The following TRABD2B variants were observed in gnomAD, a reference collection of about 807,000 sequenced individuals.
TRABD2B encodes the protein TraB domain containing 2B, also known as metalloprotease TIKI2.
TRABD2B carries 14 observed loss-of-function variants against 40.1 expected under a neutral mutation model. The observed-to-expected ratio is 0.35, with a 90% CI of 0.23 to 0.55. The LOEUF (loss-of-function observed/expected upper bound fraction) is 0.55, where lower values mean the gene tolerates loss of function less well. Among genes scored for constraint, TRABD2B ranks in the 20% least tolerant of loss-of-function variants. The probability of loss-of-function intolerance (pLI) is 0.90; values close to 1 mark genes in which losing one functional copy is unlikely to be tolerated. For synonymous variants in TRABD2B, 263 were observed against 277.0 expected (o/e 0.95, Z 0.50); for missense variants, 541 against 648.6 (o/e 0.83, Z 1.80).
At chr1:47,834,892 C>G (rs898117196) in intron 2 of TRABD2B, among the ~76,000 whole-genome samples, 1 of 152,038 alleles carries the variant, frequency 6.6e-6, no homozygotes, top group African/African-American at 2.4e-5. Context: ...AAACAAGAAA[C>G]TATGAGCCAT....
intron 2 of TRABD2B, among the ~76,000 whole-genome samples, chr1:47,991,793 G>A (rs1570430173): frequency 6.6e-6 from 1 of 152,252 alleles, no homozygotes; most frequent in East Asian, 1.9e-4. Context: ...AAAATCTGAT[G>A]CACTTAACAG....
At chr1:47,952,544 T>C (rs1176408209) in intron 2 of TRABD2B, among the ~76,000 whole-genome samples, 1 of 152,174 alleles carries the variant, frequency 6.6e-6, no homozygotes, top group Non-Finnish European at 1.5e-5. Context: ...TTTCTGCTCT[T>C]TGTATGGCAG....
chr1:47,931,407 C>T (rs554479872), intron 2 of TRABD2B, among the ~76,000 whole-genome samples: 1 of 152,100 alleles, frequency 6.6e-6, no homozygotes, highest in Admixed American at 6.5e-5. Flanking sequence ...CTGAGAAGAC[C>T]TTTGGCAGGG....
intron 2 of TRABD2B, 80 bp downstream of exon 2, chr1:47,993,954 C>G (rs1467021900): frequency 8.6e-6 from 12 of 1,397,866 alleles, no homozygotes; most frequent in Non-Finnish European, 1.1e-5. Flanking sequence ...CCCCCTCCCC[C>G]TCGGAGAAGA....
intron 2 of TRABD2B, among the ~76,000 whole-genome samples, chr1:47,971,744 C>A (rs1379112004): frequency 2.6e-5 from 4 of 152,206 alleles, no homozygotes; most frequent in Admixed American, 2.6e-4. Context: ...AATGAGGTTT[C>A]CACCAAAGAC....
rs557048813 is a variant in TRABD2B at position 47,994,286 on chromosome 1, G to A, written c.414C>T (p.Pro138=). 3.9e-5 allele frequency: 60 copies of A among 1,536,644 alleles called. No individual in the cohort carries two copies. Among genetic ancestry groups the A allele is most frequent in the African/African-American group, 9.6e-5 (7 of 73,200 alleles). ...CATAGAGCCCCTTGCCCCGCTGAGCGGGCGTCATCCAGGAGGGCATCATCA... is the reference window on the plus strand; with the variant it reads ...CATAGAGCCCCTTGCCCCGCTGAGCAGGCGTCATCCAGGAGGGCATCATCA... ...VKLMMPSWMT[P]AQRGKGLYAD... is the part of the protein sequence containing the mutation. The change falls in exon 2 of 7, where the codon CCC becomes CCT. Residue 138 remains proline (P), a synonymous_variant. Transcript: ENST00000606738. The surrounding 1 kb of genome is among the most constrained non-coding windows in gnomAD (Gnocchi z 6.7).
intron 2 of TRABD2B, among the ~76,000 whole-genome samples, chr1:47,806,333 C>T (rs986291576): frequency 6.6e-6 from 1 of 152,194 alleles, no homozygotes; most frequent in Non-Finnish European, 1.5e-5. Flanking sequence ...AGTACACAGG[C>T]TTTATAATGA....
At chr1:47,914,692 C>T (rs1231296451) in intron 2 of TRABD2B, among the ~76,000 whole-genome samples, 1 of 152,240 alleles carries the variant, frequency 6.6e-6, no homozygotes, top group East Asian at 1.9e-4. Context: ...GACCCGGCCC[C>T]CTCCATAGAA....
chr1:47,974,312 T>A (rs964031136), intron 2 of TRABD2B, among the ~76,000 whole-genome samples: 10 of 151,954 alleles, frequency 6.6e-5, no homozygotes, highest in Non-Finnish European at 1.5e-4. Flanking sequence ...CAGCCTCAGG[T>A]CCTTGGCACG....
rs944047812 is a variant in TRABD2B, at chr1:47,765,681, G to A, written c.*221C>T. 8 of 599,784 alleles carry A rather than the reference G, an allele frequency of 1.3e-5. No individual in the cohort carries two copies. The highest frequency in any genetic ancestry group is 1.3e-4 in the African/African-American group (7 of 53,744). 37.2% of individuals were successfully genotyped at this position (599,784 alleles called of 1,614,324 possible). A position where few individuals can be genotyped will look rare whatever the true frequency, so the allele number is the denominator to read the frequency against. On this transcript the variant is annotated 3_prime_UTR_variant, in exon 7 of 7. Transcript: ENST00000606738. ...CATTTTTCTTTTTTAATATGGACAC[G>A]TATTTTACAAAAGAGCCCCATAGCA...
intron 2 of TRABD2B, among the ~76,000 whole-genome samples, chr1:47,838,720 G>A (rs1645352596): frequency 6.6e-6 from 1 of 152,240 alleles, no homozygotes; most frequent in African/African-American, 2.4e-5. Context: ...ATCGACTGAT[G>A]CAGTCACATG....
rs1644824365 is a variant in TRABD2B, at chr1:47,801,580, T to C, written c.706A>G (p.Ser236Gly). 1.3e-6 allele frequency: 2 copies of C among 1,535,804 alleles called. No individual in the cohort carries two copies. The highest frequency in any genetic ancestry group is 1.7e-6 in the Non-Finnish European group (2 of 1,146,786). Residue 236 changes from serine to glycine, a missense_variant, in exon 3 of 7, where the codon AGT becomes GGT. Transcript: ENST00000606738. ...ALNQTLLQQESVRAGSLQASY... is the reference protein window; with the variant it reads ...ALNQTLLQQEGVRAGSLQASY... ...GCCTGCAGGCTCCCGGCCCGCACAC[T>C]CTCCTGCTGCAGCAGGGTTTGGTTC...
intron 2 of TRABD2B, among the ~76,000 whole-genome samples, chr1:47,972,500 A>G (rs1645695328): frequency 6.6e-6 from 1 of 152,186 alleles, no homozygotes; most frequent in South Asian, 2.1e-4. Context: ...TAGCACCCTT[A>G]TAAAAGAGAC....
In TRABD2B at chr1:47,822,931, C is replaced by T. The variant is rs749367121; in HGVS notation, c.667-21312G>A. Among the ~76,000 whole-genome samples, 66 of 152,250 alleles carry T rather than the reference C, an allele frequency of 4.3e-4. 2 individuals carry two copies. The highest frequency in any genetic ancestry group is 7.2e-4 in the Admixed American group (11 of 15,284). ...AGAGAGTGCCACCTGGCCACACCCT[C>T]AGCTCCTGGATTATCTGAGTACCTC... On this transcript the variant is annotated intron_variant, in intron 2 of 6. Transcript: ENST00000606738.
rs1266052462 is a variant in TRABD2B, at chr1:47,837,055, AC to A, written c.667-35437del. Among the ~76,000 whole-genome samples, 8 of 152,358 alleles carry A rather than the reference AC, an allele frequency of 5.3e-5. 1 individual carries two copies. The highest frequency in any genetic ancestry group is 6.8e-3 in the Middle Eastern group (2 of 294). On this transcript the variant is annotated intron_variant, in intron 2 of 6. Transcript: ENST00000606738. ...TTCCTATTAGGTGTGGTGTTTGTTC[AC>A]TGAACTGAAATTCACTGGCCTTTTT...
rs1002105083 is a variant in TRABD2B, at chr1:47,994,898, T to C, written c.103-301A>G. 1.3e-5 allele frequency among the ~76,000 whole-genome samples: 2 copies of C among 152,090 alleles called. No homozygotes were observed. The highest frequency in any genetic ancestry group is 2.9e-5 in the Non-Finnish European group (2 of 68,028). Reference sequence around the variant, plus strand: ...TGGGAGGATTAAAAGATACAATATATGTATATTAAGCCCTCAGAGCAGTGC... The same window carrying C: ...TGGGAGGATTAAAAGATACAATATACGTATATTAAGCCCTCAGAGCAGTGC... On this transcript the variant is annotated intron_variant, in intron 1 of 6. Transcript: ENST00000606738. The surrounding 1 kb of genome is among the most constrained non-coding windows in gnomAD (Gnocchi z 6.7).
chr1:47,835,864 T>C lies in TRABD2B; in HGVS notation c.667-34245A>G, dbSNP rs149677406. 1.3e-3 allele frequency among the ~76,000 whole-genome samples: 191 copies of C among 152,330 alleles called. 2 individuals carry two copies. Among genetic ancestry groups the C allele is most frequent in the African/African-American group, 4.3e-3 (180 of 41,576 alleles). ...GTAAAGATAACTATGTAGGTAAGTA[T>C]AAAAGACAGTACAAATGAAAAATGA... On this transcript the variant is annotated intron_variant, in intron 2 of 6. Coordinates refer to ENST00000606738, the MANE Select transcript of TRABD2B (RefSeq NM_001194986.2).
At chr1:47,913,635 C>T (rs1179339666) in intron 2 of TRABD2B, among the ~76,000 whole-genome samples, 1 of 152,180 alleles carries the variant, frequency 6.6e-6, no homozygotes. Context: ...CCCATGAATA[C>T]GAACCGCTAT....
intron 2 of TRABD2B, among the ~76,000 whole-genome samples, chr1:47,933,031 T>A (rs1645059715): frequency 6.6e-6 from 1 of 151,988 alleles, no homozygotes; most frequent in Non-Finnish European, 1.5e-5. Flanking sequence ...TGAGTGGCAA[T>A]GAGCAGACCA....
Sources: allele counts gnomAD v4.1 joint callset (sites outside exome capture counted in the v4.1 genomes callset), GRCh38; gene constraint gnomAD v4.1.1; non-coding constraint Gnocchi (gnomAD v3.1); transcripts MANE v1.5; gene names NCBI Gene and HGNC (gene_info 2026-07-23, HGNC 2026-07-21).